Variants in SNRNP70 observed in about 807,000 individuals in gnomAD.
The protein encoded by SNRNP70 is small nuclear ribonucleoprotein U1 subunit 70.
A neutral mutation model predicts 50.5 loss-of-function variants in SNRNP70; 8 were observed. The observed-to-expected ratio is 0.16, with a 90% confidence interval of 0.09 to 0.29. The LOEUF is 0.29. Among genes scored for constraint, SNRNP70 ranks in the 10% least tolerant of loss-of-function variants. The pLI is 1.00. For missense variants in SNRNP70, 529 were observed against 663.5 expected (o/e 0.80, Z 2.23); for synonymous variants, 320 against 252.9 (o/e 1.27, Z -2.52).
intron 2 of SNRNP70, 116 bp from the exon 3 acceptor site, chr19:49,090,175 T>G: frequency 2.4e-6 from 2 of 826,478 alleles, no homozygotes; most frequent in Non-Finnish European, 4.1e-6. Context: ...TGTGCGTGGA[T>G]GTTTATTTTT....
chr19:49,093,572 G>A (rs1463790797), intron 4 of SNRNP70, among the ~76,000 whole-genome samples: 2 of 151,062 alleles, frequency 1.3e-5, no homozygotes, highest in African/African-American at 2.4e-5. Context: ...CCAGCTACTC[G>A]GGAGGCTGAG....
intron 2 of SNRNP70, among the ~76,000 whole-genome samples, chr19:49,087,177 CAA>C (rs11398967): frequency 7.0e-4 from 70 of 100,620 alleles, no homozygotes; most frequent in African/African-American, 2.7e-3. Flanking sequence ...AAGACTGTCT[CAA>C]AAAAAAAAAA....
chr19:49,101,514 C>T (rs762356198), intron 7 of SNRNP70, 43 bp downstream of exon 7: 15 of 1,401,018 alleles, frequency 1.1e-5, no homozygotes, highest in Admixed American at 1.7e-5. Flanking sequence ...CCTGCTCTCA[C>T]TTCTCTGCTG....
chr19:49,099,547 A>G (rs1230491443), intron 6 of SNRNP70, among the ~76,000 whole-genome samples: 4 of 150,594 alleles, frequency 2.7e-5, no homozygotes, highest in African/African-American at 7.3e-5. Context: ...TCTGACCAAC[A>G]TGGTGAAACC....
intron 4 of SNRNP70, 83 bp downstream of exon 4, chr19:49,090,603 C>G: frequency 7.8e-7 from 1 of 1,289,332 alleles, no homozygotes; most frequent in South Asian, 1.2e-5. Context: ...ACCCTGCTGT[C>G]TCCCTAAGGC....
chr19:49,105,716 C>G (rs2040657579), intron 8 of SNRNP70, among the ~76,000 whole-genome samples: 1 of 150,568 alleles, frequency 6.6e-6, no homozygotes, highest in Non-Finnish European at 1.5e-5. Context: ...GGTGCCAGAG[C>G]AAGACTCTGT....
chr19:49,096,826 T>G (rs2040519548), intron 4 of SNRNP70, among the ~76,000 whole-genome samples: 1 of 151,616 alleles, frequency 6.6e-6, no homozygotes, highest in African/African-American at 2.4e-5. Context: ...TGTAGTTAAA[T>G]TCTCTCATAA....
chr19:49,098,555 G>A, intron 5 of SNRNP70, 64 bp downstream of exon 5: 1 of 1,597,924 alleles, frequency 6.3e-7, no homozygotes, highest in Non-Finnish European at 8.6e-7. Context: ...TGGCACAAAG[G>A]TCAAATAGGC....
intron 4 of SNRNP70, among the ~76,000 whole-genome samples, chr19:49,092,952 G>A (rs2040466363): frequency 7.1e-6 from 1 of 140,790 alleles, no homozygotes; most frequent in African/African-American, 2.5e-5. Flanking sequence ...GTCGTGCTGT[G>A]TTGCCCAGGC....
chr19:49,101,993 A>G (rs1212399359), intron 7 of SNRNP70: 20 of 452,370 alleles, frequency 4.4e-5, no homozygotes, highest in Non-Finnish European at 8.5e-6. Flanking sequence ...CTACAGTTCC[A>G]AAGCCCCCTT....
rs2040682849 is a variant in SNRNP70 at position 49,107,240 on chromosome 19, G to A, written c.578-385G>A. Among the ~76,000 whole-genome samples, 1 of 152,216 alleles carries A rather than the reference G, an allele frequency of 6.6e-6. No homozygotes were observed. Among genetic ancestry groups the A allele is most frequent in the Admixed American group, 6.5e-5 (1 of 15,282 alleles). The stretch of plus-strand genomic sequence containing the variant: ...CGAGGAGTTTGGACCTTAGGCTGGG[G>A]GACGCCAGCAAAGGCTTCTAAGCAG... On this transcript the variant is annotated intron_variant, in intron 8 of 9. Transcript: ENST00000598441. The surrounding 1 kb of genome is among the most constrained non-coding windows in gnomAD (Gnocchi z 6.0).
Position 49,108,522 on chromosome 19 carries a change from G to C in SNRNP70, c.*79G>C. On this transcript the variant is annotated 3_prime_UTR_variant, in exon 10 of 10. Coordinates refer to ENST00000598441, the MANE Select transcript of SNRNP70 (RefSeq NM_003089.6). Reference sequence around the variant, plus strand: ...GCTGTCATCCCCTCCCCCAACCTTGGCCACTTGAGTTTGTCCTCCAAGGGT... The same window carrying C: ...GCTGTCATCCCCTCCCCCAACCTTGCCCACTTGAGTTTGTCCTCCAAGGGT... The C allele has an allele frequency of 6.6e-7, 1 of 1,513,170 alleles. No individual in the cohort carries two copies. Among genetic ancestry groups the C allele is most frequent in the Non-Finnish European group, 8.9e-7 (1 of 1,128,516 alleles). The allele number at this position is 1,513,170 out of a possible 1,614,324, so 93.7% of individuals were successfully genotyped here.
chr19:49,089,570 C>T (rs1421295937), intron 2 of SNRNP70, among the ~76,000 whole-genome samples: 1 of 151,254 alleles, frequency 6.6e-6, no homozygotes, highest in East Asian at 1.9e-4. Flanking sequence ...TTCCTGAACA[C>T]TTAGTCCTGG....
chr19:49,088,549 T>C (rs1220660981), intron 2 of SNRNP70, among the ~76,000 whole-genome samples: 5 of 136,498 alleles, frequency 3.7e-5, no homozygotes, highest in African/African-American at 1.4e-4. Context: ...CAGGCTGGAG[T>C]GCAGTGGCGT....
intron 2 of SNRNP70, among the ~76,000 whole-genome samples, chr19:49,089,872 C>T (rs2040427005): frequency 6.6e-6 from 1 of 151,842 alleles, no homozygotes; most frequent in Non-Finnish European, 1.5e-5. Context: ...CCATGTTAGT[C>T]AGGATGGTCT....
chr19:49,103,266 A>C (rs1327244015), intron 7 of SNRNP70: 3 of 151,992 alleles, frequency 2.0e-5, no homozygotes, highest in Non-Finnish European at 4.4e-5. Flanking sequence ...CTTGGATGAT[A>C]ATCCTCGTCT....
chr19:49,086,254 C>G (rs2040377737), intron 1 of SNRNP70, 151 bp from the exon 2 acceptor site: 7 of 808,330 alleles, frequency 8.7e-6, no homozygotes, highest in Non-Finnish European at 1.3e-5. Flanking sequence ...ACCCTTTTCT[C>G]CGCAACACAG....
rs2040433953 is a variant in SNRNP70 at position 49,090,456 on chromosome 19, C to T, written c.211-10C>T. ...GCATTCACTTCTCCACCTCCCCTTT[C>T]TCCTGACAGAGACGGGAAAAGATTG... On this transcript the variant is annotated splice_polypyrimidine_tract_variant and intron_variant, in intron 3 of 9. Transcript: ENST00000598441. 3 of 1,614,142 alleles carry T rather than the reference C, an allele frequency of 1.9e-6. No individual in the cohort carries two copies. Among genetic ancestry groups the T allele is most frequent in the African/African-American group, 1.3e-5 (1 of 75,052 alleles).
chr19:49,092,567 C>T (rs773165853), intron 4 of SNRNP70, among the ~76,000 whole-genome samples: 21 of 152,082 alleles, frequency 1.4e-4, no homozygotes, highest in Non-Finnish European at 2.1e-4. Context: ...CGCCACCATG[C>T]CCAGGTAATT....
Sources: allele counts gnomAD v4.1 joint callset (sites outside exome capture counted in the v4.1 genomes callset), GRCh38; gene constraint gnomAD v4.1.1; non-coding constraint Gnocchi (gnomAD v3.1); transcripts MANE v1.5; gene names NCBI Gene and HGNC (gene_info 2026-07-23, HGNC 2026-07-21).